The following EPHB1 variants were observed in gnomAD, a reference collection of about 807,000 sequenced individuals.
The protein encoded by EPHB1 is ephrin type-B receptor 1.
In EPHB1, 30 loss-of-function variants were observed where a neutral mutation model predicts 94.4. That is an observed-to-expected ratio of 0.32 (90% CI 0.24 to 0.43). The LOEUF (loss-of-function observed/expected upper bound fraction) is 0.43, where lower values mean the gene tolerates loss of function less well. Ranked by LOEUF, EPHB1 falls within the 20% of genes least tolerant of loss-of-function variation. The pLI, the probability that EPHB1 is intolerant of heterozygous loss-of-function variation, is 1.00. For synonymous variants in EPHB1, 522 were observed against 489.1 expected (o/e 1.07, Z -0.89); for missense variants, 1,055 against 1,308.3 (o/e 0.81, Z 2.99).
intron 1 of EPHB1, among the ~76,000 whole-genome samples, chr3:134,822,033 T>G (rs916852759): frequency 1.3e-5 from 2 of 152,096 alleles, no homozygotes; most frequent in Admixed American, 1.3e-4. Context: ...GGAAGGGAGC[T>G]CCCCATAAGT....
At chr3:135,233,141 T>TC (rs1344214674) in intron 12 of EPHB1, among the ~76,000 whole-genome samples, 2 of 152,218 alleles carry the variant, frequency 1.3e-5, no homozygotes, top group African/African-American at 4.8e-5. Flanking sequence ...CTTAACTCGT[T>TC]CCAGCATTAA....
chr3:135,222,038 G>A (rs1943287851), intron 12 of EPHB1, among the ~76,000 whole-genome samples: 1 of 152,154 alleles, frequency 6.6e-6, no homozygotes, highest in Non-Finnish European at 1.5e-5. Context: ...TTTCACCAAT[G>A]TGATGCAAAG....
chr3:134,802,577 T>C lies in EPHB1; in HGVS notation c.58+6888T>C, dbSNP rs76064843. ...CCATGAGAAAGCCTAGTGCCCTCCATGAGGAAGACTGTATTCTAGGGACCT... is the reference window on the plus strand; with the variant it reads ...CCATGAGAAAGCCTAGTGCCCTCCACGAGGAAGACTGTATTCTAGGGACCT... On this transcript the variant is annotated intron_variant, in intron 1 of 15. Transcript: ENST00000398015. Among the ~76,000 whole-genome samples the C allele has an allele frequency of 3.2e-4, 48 of 152,220 alleles. No individual in the cohort carries two copies. In the East Asian group the frequency reaches 8.9e-3, roughly 28 times the overall value.
At chr3:135,194,288 G>C (rs930338099) in intron 11 of EPHB1, among the ~76,000 whole-genome samples, 3 of 152,162 alleles carry the variant, frequency 2.0e-5, no homozygotes, top group Non-Finnish European at 4.4e-5. Flanking sequence ...CCCTACTCCT[G>C]CTAGTACCCA....
intron 7 of EPHB1, among the ~76,000 whole-genome samples, chr3:135,163,520 A>G (rs1274723875): frequency 6.6e-6 from 1 of 152,168 alleles, no homozygotes; most frequent in Non-Finnish European, 1.5e-5. Flanking sequence ...TGATAATGCT[A>G]CTGGTATGAA....
rs908120478 is a variant in EPHB1, at chr3:134,990,131, T to C, written c.805+38079T>C. ...TGATTGAATTTTGTTATCAAAAAACTTTCCCCTCTAGAAGGACTCTCTCCC... is the reference window on the plus strand; with the variant it reads ...TGATTGAATTTTGTTATCAAAAAACCTTCCCCTCTAGAAGGACTCTCTCCC... On this transcript the variant is annotated intron_variant, in intron 3 of 15. Coordinates refer to ENST00000398015, the MANE Select transcript of EPHB1 (RefSeq NM_004441.5). Among the ~76,000 whole-genome samples, 8 of 152,334 alleles carry C rather than the reference T, an allele frequency of 5.3e-5. No homozygotes were observed. In the East Asian group the frequency reaches 1.5e-3, roughly 29 times the overall value.
intron 2 of EPHB1, among the ~76,000 whole-genome samples, chr3:134,940,867 T>A (rs2039101634): frequency 6.6e-6 from 1 of 152,240 alleles, no homozygotes; most frequent in Admixed American, 6.5e-5. Flanking sequence ...ACTCCTAGAA[T>A]GTTGCTTGGG....
intron 2 of EPHB1, among the ~76,000 whole-genome samples, chr3:134,928,471 C>T (rs1034632905): frequency 1.3e-5 from 2 of 152,208 alleles, no homozygotes; most frequent in African/African-American, 4.8e-5. Context: ...CAGCTTACAC[C>T]TAGTTCACTA....
chr3:135,173,228 G>T (rs1039398424), intron 9 of EPHB1, among the ~76,000 whole-genome samples: 11 of 151,472 alleles, frequency 7.3e-5, no homozygotes, highest in African/African-American at 2.7e-4. Flanking sequence ...TAGAGACGGG[G>T]TTTCACCGTT....
intron 3 of EPHB1, among the ~76,000 whole-genome samples, chr3:135,053,015 G>GTGTGTGTATATATA (rs1937231011): frequency 5.6e-5 from 1 of 17,978 alleles, no homozygotes; most frequent in South Asian, 4.3e-3. Context: ...GTATATATAT[G>GTGTGTGTATATATA]TGTGTGTGTG....
intron 10 of EPHB1, among the ~76,000 whole-genome samples, chr3:135,184,862 A>G (rs1337522205): frequency 6.6e-6 from 1 of 152,236 alleles, no homozygotes; most frequent in Non-Finnish European, 1.5e-5. Flanking sequence ...AATAGGCATC[A>G]TGTCATAGGT....
In EPHB1 at chr3:134,951,832, G is replaced by T; in HGVS notation, c.585G>T (p.Lys195Asn). 6.2e-7 allele frequency: 1 copy of T among 1,614,036 alleles called. No homozygotes were observed. The highest frequency in any genetic ancestry group is 8.5e-7 in the Non-Finnish European group (1 of 1,179,886). Residue 195 changes from lysine to asparagine, a missense_variant, in exon 3 of 16, where the codon AAG becomes AAT. Physicochemically the swap from Lys to Asn is moderately conservative, Grantham distance 94. Coordinates refer to ENST00000398015, the MANE Select transcript of EPHB1 (RefSeq NM_004441.5). The surrounding 1 kb of genome is among the most constrained non-coding windows in gnomAD (Gnocchi z 4.5). ...SLLSVRVFFK[K>N]CPSIVQNFAV... ...TTTCTGTCCGTGTCTTCTTCAAAAA[G>T]TGTCCCAGCATTGTGCAAAATTTTG...
intron 1 of EPHB1, among the ~76,000 whole-genome samples, chr3:134,821,899 G>A (rs2036388932): frequency 6.6e-6 from 1 of 152,164 alleles, no homozygotes; most frequent in Admixed American, 6.5e-5. Flanking sequence ...AAGAGATCGG[G>A]GAGGTCAGAG....
At chr3:135,096,648 C>A (rs1221283984) in intron 3 of EPHB1, among the ~76,000 whole-genome samples, 2 of 152,188 alleles carry the variant, frequency 1.3e-5, no homozygotes, top group Non-Finnish European at 1.5e-5. Context: ...TGGTGAGGGC[C>A]CACTTCCTGG....
At chr3:135,144,372 T>C (rs1940938654) in intron 5 of EPHB1, among the ~76,000 whole-genome samples, 1 of 152,232 alleles carries the variant, frequency 6.6e-6, no homozygotes, top group Non-Finnish European at 1.5e-5. Context: ...GTCAGACTCC[T>C]GTGAAAGACT....
intron 3 of EPHB1, among the ~76,000 whole-genome samples, chr3:135,045,254 C>T (rs947170886): frequency 2.6e-5 from 4 of 151,958 alleles, no homozygotes; most frequent in African/African-American, 9.7e-5. Flanking sequence ...TTATCCTTTA[C>T]ACCAGTCACT....
chr3:134,941,752 GAC>G (rs3067391), intron 2 of EPHB1, among the ~76,000 whole-genome samples: 23,832 of 134,378 alleles, frequency 0.18, 2,218 homozygotes, highest in East Asian at 0.28. Context: ...TATGCACACA[GAC>G]ACACACACAC....
At chr3:134,797,097 G>T (rs2108280903) in intron 1 of EPHB1, among the ~76,000 whole-genome samples, 1 of 152,344 alleles carries the variant, frequency 6.6e-6, no homozygotes, top group East Asian at 1.9e-4. Context: ...CGGCGTGGGG[G>T]TGCGGCGATT....
intron 3 of EPHB1, among the ~76,000 whole-genome samples, chr3:135,059,872 C>T (rs982427352): frequency 2.0e-5 from 3 of 152,134 alleles, no homozygotes; most frequent in Non-Finnish European, 2.9e-5. Flanking sequence ...CTCAGCGTGC[C>T]GATGTAAGAG....
Sources: allele counts gnomAD v4.1 joint callset (sites outside exome capture counted in the v4.1 genomes callset), GRCh38; gene constraint gnomAD v4.1.1; non-coding constraint Gnocchi (gnomAD v3.1); transcripts MANE v1.5; gene names NCBI Gene and HGNC (gene_info 2026-07-23, HGNC 2026-07-21).